The following RALYL variants were observed in gnomAD, a reference collection of about 807,000 sequenced individuals.
RALYL encodes the protein RALY RNA binding protein like, also known as RNA-binding Raly-like protein.
Under a neutral mutation model 35.1 loss-of-function variants are expected in RALYL, and 29 were observed. The ratio of observed to expected loss-of-function variants is 0.83; its 90% CI spans 0.61 to 1.13. RALYL has a LOEUF of 1.13. Among genes scored for constraint, RALYL ranks in the 50% most tolerant of loss-of-function variants. The pLI is 0.00. For missense variants in RALYL, 359 were observed against 360.4 expected, an observed-to-expected ratio of 1.00 and a Z score of 0.03; for synonymous variants, 120 against 127.6, an observed-to-expected ratio of 0.94 and a Z score of 0.40.
intron 1 of RALYL, among the ~76,000 whole-genome samples, chr8:84,493,971 C>A (rs1218709486): frequency 6.6e-6 from 1 of 152,086 alleles, no homozygotes; most frequent in Non-Finnish European, 1.5e-5. Flanking sequence ...GTCATAAAAT[C>A]TTTGCCCATG....
chr8:84,510,931 T>G (rs1471750392), intron 1 of RALYL, among the ~76,000 whole-genome samples: 1 of 152,212 alleles, frequency 6.6e-6, no homozygotes, highest in Non-Finnish European at 1.5e-5. Context: ...TCACCTATCA[T>G]TTTTATGCTG....
intron 1 of RALYL, among the ~76,000 whole-genome samples, chr8:84,377,181 T>C (rs1389421933): frequency 3.3e-5 from 5 of 151,790 alleles, no homozygotes; most frequent in African/African-American, 1.2e-4. Flanking sequence ...ACAACTAGTG[T>C]AATTTAAAAG....
At chr8:84,439,516 A>C (rs558040357) in intron 1 of RALYL, among the ~76,000 whole-genome samples, 29 of 152,222 alleles carry the variant, frequency 1.9e-4, no homozygotes, top group Admixed American at 1.2e-3. Flanking sequence ...GCATTCTTTT[A>C]ATTTGTCTTT....
At chr8:84,614,558 T>C (rs1819012934) in intron 2 of RALYL, among the ~76,000 whole-genome samples, 1 of 151,646 alleles carries the variant, frequency 6.6e-6, no homozygotes, top group Non-Finnish European at 1.5e-5. Flanking sequence ...TTGTATAGAT[T>C]CTCAGGTATT....
At position 84,789,290 on chromosome 8, in the gene RALYL, A is replaced by G. The variant is rs545236068; in HGVS notation, c.332+14636A>G. Among the ~76,000 whole-genome samples, 4 of 152,352 alleles carry G rather than the reference A, an allele frequency of 2.6e-5. No individual in the cohort carries two copies. In the South Asian group the frequency reaches 8.3e-4, roughly 32 times the overall value. On this transcript the variant is annotated intron_variant, in intron 3 of 8. Transcript: ENST00000521268. Reference sequence around the variant, plus strand: ...ACAGAAGATGACCCACAAATTACAGATAATCAAGAGTGAAAAAGCATTTTG... The same window carrying G: ...ACAGAAGATGACCCACAAATTACAGGTAATCAAGAGTGAAAAAGCATTTTG...
chr8:84,332,637 C>T (rs533026508), intron 1 of RALYL, among the ~76,000 whole-genome samples: 42 of 152,110 alleles, frequency 2.8e-4, no homozygotes, highest in South Asian at 6.2e-4. Flanking sequence ...AATATTTCCC[C>T]TTTTTTATGT....
chr8:84,787,407 T>C (rs1819795253), intron 3 of RALYL, among the ~76,000 whole-genome samples: 1 of 151,994 alleles, frequency 6.6e-6, no homozygotes, highest in Admixed American at 6.6e-5. Flanking sequence ...CCAGTATTAC[T>C]GGATTCAGTA....
At chr8:84,491,827 T>C (rs897339715) in intron 1 of RALYL, among the ~76,000 whole-genome samples, 9 of 151,930 alleles carry the variant, frequency 5.9e-5, no homozygotes, top group Non-Finnish European at 1.0e-4. Flanking sequence ...ATTTCTAAAT[T>C]GAGAAGGAAG....
intron 2 of RALYL, among the ~76,000 whole-genome samples, chr8:84,613,123 C>T (rs1488066427): frequency 6.6e-6 from 1 of 151,442 alleles, no homozygotes; most frequent in Admixed American, 6.6e-5. Flanking sequence ...TCTAGGTAAA[C>T]ACACAATTTC....
chr8:84,420,118 C>T (rs2045323990), intron 1 of RALYL, among the ~76,000 whole-genome samples: 1 of 151,740 alleles, frequency 6.6e-6, no homozygotes, highest in South Asian at 2.1e-4. Flanking sequence ...GAGGAATCGC[C>T]ACACTGACTT....
At chr8:84,437,035 TTG>T (rs1226877572) in intron 1 of RALYL, among the ~76,000 whole-genome samples, 2 of 152,088 alleles carry the variant, frequency 1.3e-5, no homozygotes, top group Non-Finnish European at 2.9e-5. Flanking sequence ...CCTTACCCCC[TTG>T]TAGTAGTCCC....
intron 1 of RALYL, among the ~76,000 whole-genome samples, chr8:84,233,799 T>A (rs1825893986): frequency 6.6e-6 from 1 of 152,214 alleles, no homozygotes; most frequent in African/African-American, 2.4e-5. Flanking sequence ...TTTCCCTCTG[T>A]CTTTTTCCCT....
At chr8:84,717,581 G>T (rs1797375883) in intron 2 of RALYL, among the ~76,000 whole-genome samples, 1 of 152,108 alleles carries the variant, frequency 6.6e-6, no homozygotes, top group Admixed American at 6.6e-5. Context: ...CTTAGGAATA[G>T]GCTGCAAGGT....
chr8:84,221,846 T>C (rs1373241444), intron 1 of RALYL, among the ~76,000 whole-genome samples: 1 of 152,128 alleles, frequency 6.6e-6, no homozygotes, highest in Non-Finnish European at 1.5e-5. Context: ...ATTCTTGGAA[T>C]TCTGGTGTGG....
intron 2 of RALYL, among the ~76,000 whole-genome samples, chr8:84,633,381 T>TA (rs1251093022): frequency 1.3e-5 from 2 of 151,402 alleles, no homozygotes; most frequent in South Asian, 2.1e-4. Flanking sequence ...CCCCTGACTT[T>TA]AAAAAAAAAT....
At chr8:84,603,447 G>GTAT (rs34527561) in intron 2 of RALYL, among the ~76,000 whole-genome samples, 29,156 of 151,606 alleles carry the variant, frequency 0.19, 3,019 homozygotes, top group Non-Finnish European at 0.23. Flanking sequence ...AATTGGCATT[G>GTAT]TATTATTATT....
chr8:84,711,648 G>T (rs575781646), intron 2 of RALYL, among the ~76,000 whole-genome samples: 2 of 152,122 alleles, frequency 1.3e-5, no homozygotes, highest in East Asian at 3.9e-4. Context: ...CAAGGCTGTT[G>T]CCAGTCTCAA....
At chr8:84,299,812 T>A (rs1039271781) in intron 1 of RALYL, among the ~76,000 whole-genome samples, 1 of 151,160 alleles carries the variant, frequency 6.6e-6, no homozygotes, top group African/African-American at 2.4e-5. Context: ...TCAGTGGTAA[T>A]GTCCCCTTTG....
intron 1 of RALYL, among the ~76,000 whole-genome samples, chr8:84,499,757 AT>A (rs2056466416): frequency 1.3e-5 from 2 of 151,988 alleles, no homozygotes; most frequent in African/African-American, 4.8e-5. Context: ...TGATGTGATT[AT>A]TTATTTATTT....
Sources: allele counts gnomAD v4.1 joint callset (sites outside exome capture counted in the v4.1 genomes callset), GRCh38; gene constraint gnomAD v4.1.1; transcripts MANE v1.5; gene names NCBI Gene and HGNC (gene_info 2026-07-23, HGNC 2026-07-21).